The following ARHGAP22 variants were observed in gnomAD, a reference collection of about 807,000 sequenced individuals.
ARHGAP22 encodes the protein Rho GTPase activating protein 22, also known as rho GTPase-activating protein 22.
ARHGAP22 carries 48 observed loss-of-function variants against 59.1 expected under a neutral mutation model. The ratio of observed to expected loss-of-function variants is 0.81; its 90% CI spans 0.64 to 1.03. The LOEUF (loss-of-function observed/expected upper bound fraction) is 1.03. Ranked by LOEUF, ARHGAP22 falls within the 50% of genes least tolerant of loss-of-function variation. ARHGAP22 has a pLI of 0.00. For synonymous variants in ARHGAP22, 445 were observed against 416.4 expected (o/e 1.07, Z -0.84); for missense variants, 1,015 against 958.7 (o/e 1.06, Z -0.78).
At chr10:48,462,861 C>T (rs2047284782) in intron 4 of ARHGAP22, among the ~76,000 whole-genome samples, 1 of 152,168 alleles carries the variant, frequency 6.6e-6, no homozygotes, top group South Asian at 2.1e-4. Flanking sequence ...GGCTCCAGGG[C>T]CCACCACTGA....
At chr10:48,545,884 CCATTCTACTCGTT>C (rs994688868) in intron 3 of ARHGAP22, among the ~76,000 whole-genome samples, 26 of 152,270 alleles carry the variant, frequency 1.7e-4, no homozygotes, top group African/African-American at 6.0e-4. Context: ...CCAGCTGGTG[CCATTCTACTCGTT>C]CAAGCAGACA....
At chr10:48,591,573 T>C (rs1007032783) in intron 1 of ARHGAP22, among the ~76,000 whole-genome samples, 45 of 151,600 alleles carry the variant, frequency 3.0e-4, no homozygotes, top group Non-Finnish European at 5.3e-4. Context: ...AGATAGGTAC[T>C]TTTTTTTTAA....
chr10:48,432,870 G>T, the ARHGAP22 span, among the ~76,000 whole-genome samples: 1 of 152,148 alleles, frequency 6.6e-6, no homozygotes, highest in Non-Finnish European at 1.5e-5. Flanking sequence ...TTGCAAAGAC[G>T]AGTATTAGCA....
chr10:48,641,904 T>C (rs1275125284), intron 1 of ARHGAP22, among the ~76,000 whole-genome samples: 1 of 152,148 alleles, frequency 6.6e-6, no homozygotes, highest in Admixed American at 6.5e-5. Context: ...GGATACAAAA[T>C]CAATGTGCAA....
chr10:48,493,476 G>A (rs1463636855), intron 3 of ARHGAP22: 1 of 1,536,070 alleles, frequency 6.5e-7, no homozygotes. Context: ...GACACCTGAT[G>A]GGCCAGAAGG....
At chr10:48,552,358 G>A (rs963485051) in intron 3 of ARHGAP22, among the ~76,000 whole-genome samples, 1 of 152,266 alleles carries the variant, frequency 6.6e-6, no homozygotes, top group Non-Finnish European at 1.5e-5. Context: ...CAGACCCCAG[G>A]CGGGGCTGTT....
At chr10:48,509,273 T>C (rs532728635) in intron 3 of ARHGAP22, among the ~76,000 whole-genome samples, 153 of 152,270 alleles carry the variant, frequency 1.0e-3, no homozygotes, top group South Asian at 2.3e-3. Context: ...CCAGAGTCTC[T>C]GCTGGACCCC....
chr10:48,578,971 A>G (rs1387067443), intron 2 of ARHGAP22, among the ~76,000 whole-genome samples: 1 of 151,538 alleles, frequency 6.6e-6, no homozygotes, highest in Non-Finnish European at 1.5e-5. Flanking sequence ...TTTAGACCCA[A>G]TCTCACACTT....
At chr10:48,507,158 C>T (rs2052229272) in intron 3 of ARHGAP22, among the ~76,000 whole-genome samples, 1 of 152,236 alleles carries the variant, frequency 6.6e-6, no homozygotes, top group Admixed American at 6.5e-5. Context: ...AGGGTGACTC[C>T]TGTCCCTTCC....
At chr10:48,654,843 T>TTCCTTCCTTC (rs71026217), upstream of ARHGAP22, among the ~76,000 whole-genome samples, 4 of 145,622 alleles carry the variant, frequency 2.7e-5, no homozygotes, top group African/African-American at 1.0e-4. Flanking sequence ...CCTTCCTTCC[T>TTCCTTCCTTC]CTCTCTTTTC....
At chr10:48,616,095 A>G (rs1399907665) in intron 1 of ARHGAP22, among the ~76,000 whole-genome samples, 1 of 152,170 alleles carries the variant, frequency 6.6e-6, no homozygotes, top group East Asian at 1.9e-4. Context: ...TGCATTTTTT[A>G]TAAGTTAAAA....
the ARHGAP22 span, among the ~76,000 whole-genome samples, chr10:48,432,446 A>G: frequency 8.2e-6 from 1 of 121,794 alleles, no homozygotes; most frequent in East Asian, 2.4e-4. Context: ...TGTTGAATAT[A>G]TGAATTGGTT....
chr10:48,606,195 G>C (rs2060665390), upstream of ARHGAP22, among the ~76,000 whole-genome samples: 1 of 152,066 alleles, frequency 6.6e-6, no homozygotes, highest in South Asian at 2.1e-4. Flanking sequence ...ACACTCCCTC[G>C]AGTGCCCCAT....
chr10:48,446,320 C>G lies in ARHGAP22; in HGVS notation c.*71G>C. On this transcript the variant is annotated 3_prime_UTR_variant, in exon 10 of 10. Transcript: ENST00000249601. ...AGAGCGCCTGGCTGCTCCAGAGATA[C>G]AGACGCTTCTAACTCCATACAAGGC... 1 of 1,537,040 alleles carries G rather than the reference C, an allele frequency of 6.5e-7. No individual in the cohort carries two copies. The highest frequency in any genetic ancestry group is 8.9e-7 in the Non-Finnish European group (1 of 1,123,694).
At chr10:48,501,732 T>A (rs1161366958) in intron 3 of ARHGAP22, among the ~76,000 whole-genome samples, 1 of 143,446 alleles carries the variant, frequency 7.0e-6, no homozygotes. Flanking sequence ...GATTAAATTA[T>A]GTACATCCAA....
intron 1 of ARHGAP22, among the ~76,000 whole-genome samples, chr10:48,626,527 C>G (rs1589227522): frequency 6.6e-6 from 1 of 152,172 alleles, no homozygotes; most frequent in South Asian, 2.1e-4. Context: ...GGCCACTGTT[C>G]CAGACCCATG....
chr10:48,527,001 G>A (rs1213380815), intron 3 of ARHGAP22, among the ~76,000 whole-genome samples: 1 of 152,192 alleles, frequency 6.6e-6, no homozygotes. Flanking sequence ...CATTCACTAT[G>A]TGTTTCCCAC....
upstream of ARHGAP22, among the ~76,000 whole-genome samples, chr10:48,605,980 T>G (rs1426759706): frequency 6.6e-6 from 1 of 152,158 alleles, no homozygotes; most frequent in Non-Finnish European, 1.5e-5. Flanking sequence ...TGGTAACAGC[T>G]CCTGGCTTGA....
At chr10:48,639,760 G>A (rs188501445) in intron 1 of ARHGAP22, among the ~76,000 whole-genome samples, 38 of 152,134 alleles carry the variant, frequency 2.5e-4, no homozygotes, top group African/African-American at 4.6e-4. Flanking sequence ...AGAATTCAGC[G>A]TTCTTAAAAT....
Sources: allele counts gnomAD v4.1 joint callset (sites outside exome capture counted in the v4.1 genomes callset), GRCh38; gene constraint gnomAD v4.1.1; transcripts MANE v1.5; gene names NCBI Gene and HGNC (gene_info 2026-07-23, HGNC 2026-07-21).